POT1: variants seen among roughly 807,000 people sequenced by gnomAD.
POT1 encodes protection of telomeres protein 1.
In POT1, 47 loss-of-function variants were observed where a neutral mutation model predicts 78.5. The ratio of observed to expected loss-of-function variants is 0.60; its 90% CI spans 0.47 to 0.76. The LOEUF (loss-of-function observed/expected upper bound fraction) is 0.76. POT1 is among the 30% of genes least tolerant of loss of function. The pLI is 0.00. For synonymous variants in POT1, 259 were observed against 260.7 expected (o/e 0.99, Z 0.06); for missense variants, 646 against 749.9 (o/e 0.86, Z 1.62).
At chr7:124,907,764 G>A (rs977449177) in intron 3 of POT1, among the ~76,000 whole-genome samples, 3 of 152,074 alleles carry the variant, frequency 2.0e-5, no homozygotes, top group African/African-American at 7.2e-5. Flanking sequence ...GGTAGAGAAT[G>A]TGAGGGAAAT....
chr7:124,915,839 T>C (rs1193263601), intron 2 of POT1, among the ~76,000 whole-genome samples, 193 bp from the exon 3 acceptor site: 1 of 152,128 alleles, frequency 6.6e-6, no homozygotes, highest in African/African-American at 2.4e-5. Flanking sequence ...GATCTACAAA[T>C]ACTTCAAGGT....
intron 7 of POT1, among the ~76,000 whole-genome samples, chr7:124,869,749 T>C (rs1490508630): frequency 1.3e-5 from 2 of 152,122 alleles, no homozygotes; most frequent in Non-Finnish European, 2.9e-5. Flanking sequence ...GCCCGGCTGA[T>C]TTTGTATTTT....
At chr7:124,853,326 A>T in intron 9 of POT1, 188 bp from the exon 10 acceptor site, 1 of 528,138 alleles carries the variant, frequency 1.9e-6, no homozygotes, top group Non-Finnish European at 3.3e-6. Flanking sequence ...CATCAAAACT[A>T]AATATATGGA....
rs1795048451 is a variant in POT1 at position 124,842,361 on chromosome 7, TAAAGA to T, written c.1163+441_1163+445del. ...AAGGCACTGAGAAATTCTCAATTAC[TAAAGA>T]AAATTTAAATTATATTTATTATATT... On this transcript the variant is annotated intron_variant, in intron 13 of 18. Coordinates refer to ENST00000357628, the MANE Select transcript of POT1 (RefSeq NM_015450.3). Among the ~76,000 whole-genome samples the T allele has an allele frequency of 2.0e-5, 3 of 151,970 alleles. No homozygotes were observed. The South Asian group carries it at 6.2e-4, about 31-fold the overall frequency.
chr7:124,926,531 C>T (rs568958993), intron 2 of POT1, among the ~76,000 whole-genome samples: 118 of 152,102 alleles, frequency 7.8e-4, no homozygotes, highest in African/African-American at 2.7e-3. Context: ...AATGAGTTTT[C>T]GAATAACTAA....
intron 6 of POT1, among the ~76,000 whole-genome samples, chr7:124,890,085 C>T (rs1296312006): frequency 6.6e-6 from 1 of 151,926 alleles, no homozygotes; most frequent in African/African-American, 2.4e-5. Flanking sequence ...TTCTAGATGA[C>T]ATCAAGAACA....
chr7:124,842,352 C>T (rs1340386325), intron 13 of POT1, among the ~76,000 whole-genome samples: 1 of 151,852 alleles, frequency 6.6e-6, no homozygotes, highest in East Asian at 1.9e-4. Flanking sequence ...CTGAGAAATT[C>T]TCAATTACTA....
chr7:124,898,218 T>C (rs895191898), intron 4 of POT1, 43 bp downstream of exon 4: 7 of 151,966 alleles, frequency 4.6e-5, no homozygotes, highest in African/African-American at 1.7e-4. Flanking sequence ...CTTTAGCTCA[T>C]TAAATCTGCA....
chr7:124,879,566 T>C (rs1389428352), intron 6 of POT1, among the ~76,000 whole-genome samples: 2 of 152,130 alleles, frequency 1.3e-5, no homozygotes, highest in Admixed American at 6.5e-5. Context: ...TTTTCGTTAA[T>C]GGCAAACGAC....
intron 6 of POT1, among the ~76,000 whole-genome samples, chr7:124,879,709 A>G (rs1422395350): frequency 1.3e-5 from 2 of 152,142 alleles, no homozygotes; most frequent in East Asian, 1.9e-4. Context: ...AGGATAATGT[A>G]GTGTTTTCTG....
chr7:124,868,919 A>G (rs1009928869), intron 7 of POT1, among the ~76,000 whole-genome samples: 5 of 151,938 alleles, frequency 3.3e-5, no homozygotes, highest in African/African-American at 1.2e-4. Flanking sequence ...TCTATGATCA[A>G]TGTAAAAATT....
rs191564583 is a variant in POT1, at chr7:124,922,084, G to C, written c.-226-6438C>G. ...CATACGAAACAACAGAATCCAGAAA[G>C]CAGTGGACCGGCATCTCTATAGTCC... On this transcript the variant is annotated intron_variant, in intron 2 of 18. Coordinates refer to ENST00000357628, the MANE Select transcript of POT1 (RefSeq NM_015450.3). Among the ~76,000 whole-genome samples the C allele has an allele frequency of 1.8e-3, 278 of 151,952 alleles. 1 individual carries two copies. The highest frequency in any genetic ancestry group is 6.8e-3 in the Middle Eastern group (2 of 294).
At chr7:124,911,089 T>C (rs988438395) in intron 3 of POT1, among the ~76,000 whole-genome samples, 1 of 152,104 alleles carries the variant, frequency 6.6e-6, no homozygotes, top group Non-Finnish European at 1.5e-5. Flanking sequence ...TGCAAAATTT[T>C]TATAAGCTAC....
At chr7:124,849,239 G>A (rs1334422394) in intron 11 of POT1, among the ~76,000 whole-genome samples, 1 of 151,980 alleles carries the variant, frequency 6.6e-6, no homozygotes, top group African/African-American at 2.4e-5. Flanking sequence ...TGGAAATAAT[G>A]GCAGAAACCA....
At chr7:124,904,358 C>T (rs13231158) in intron 3 of POT1, among the ~76,000 whole-genome samples, 48,540 of 151,998 alleles carry the variant, frequency 0.32, 7,777 homozygotes, top group South Asian at 0.4. Flanking sequence ...AATCAATAAA[C>T]GTAATCCATC....
chr7:124,891,045 T>C (rs1230026332), intron 6 of POT1, among the ~76,000 whole-genome samples: 1 of 151,724 alleles, frequency 6.6e-6, no homozygotes, highest in Non-Finnish European at 1.5e-5. Flanking sequence ...TGGTCTACAG[T>C]GTTGTTCAAG....
chr7:124,886,596 C>T (rs1172177880), intron 6 of POT1, among the ~76,000 whole-genome samples: 2 of 152,032 alleles, frequency 1.3e-5, no homozygotes. Context: ...AAATTGATGA[C>T]ATTCATTTTA....
At chr7:124,911,972 T>A (rs1205365911) in intron 3 of POT1, among the ~76,000 whole-genome samples, 1 of 152,138 alleles carries the variant, frequency 6.6e-6, no homozygotes, top group Non-Finnish European at 1.5e-5. Flanking sequence ...TGATTAAATT[T>A]GAATCTGGCA....
At chr7:124,901,613 A>G (rs1468929069) in intron 3 of POT1, among the ~76,000 whole-genome samples, 1 of 152,198 alleles carries the variant, frequency 6.6e-6, no homozygotes, top group Non-Finnish European at 1.5e-5. Flanking sequence ...AAATCAGAGC[A>G]CCTCTTCTCC....
Sources: gnomAD v4.1 joint callset for allele counts (sites outside exome capture counted in the v4.1 genomes callset) on GRCh38, gnomAD v4.1.1 for gene constraint, MANE v1.5 for transcripts, NCBI Gene and HGNC (gene_info 2026-07-23, HGNC 2026-07-21) for gene names.